The following PCDHGA3 variants were observed in gnomAD, a reference collection of about 807,000 sequenced individuals.
PCDHGA3 encodes the protein protocadherin gamma-A3.
A neutral mutation model predicts 58.5 loss-of-function variants in PCDHGA3; 40 were observed. That is an observed-to-expected ratio of 0.68 (90% CI 0.53 to 0.89). The LOEUF is 0.89. PCDHGA3 is among the 40% of genes least tolerant of loss of function. The pLI is 0.00. For synonymous variants in PCDHGA3, 530 were observed against 525.7 expected (o/e 1.01, Z -0.11); for missense variants, 1,223 against 1,195.9 (o/e 1.02, Z -0.33).
rs745698097 is a variant in PCDHGA3 at position 141,389,267 on chromosome 5, G to C, written c.2424+42810G>C. The C allele has an allele frequency of 3.0e-5, 48 of 1,613,890 alleles. No individual in the cohort carries two copies. The highest frequency in any genetic ancestry group is 4.0e-5 in the Non-Finnish European group (47 of 1,179,898). On this transcript the variant is annotated intron_variant, in intron 1 of 3. Coordinates refer to ENST00000253812, the MANE Select transcript of PCDHGA3 (RefSeq NM_018916.4). ...CTTCCTATATAGTCCACGTGGCCGA[G>C]AACAACCCGCCTGGAGCCTCTATTT...
chr5:141,374,534 C>T (rs868822562), intron 1 of PCDHGA3: 2 of 1,613,096 alleles, frequency 1.2e-6, no homozygotes, highest in Non-Finnish European at 1.7e-6. Flanking sequence ...TCCATCCTCT[C>T]GTTTTCCACT....
intron 1 of PCDHGA3, chr5:141,421,232 C>G (rs748347420): frequency 1.3e-6 from 2 of 1,590,370 alleles, no homozygotes; most frequent in Non-Finnish European, 1.7e-6. Context: ...CCTGCCATGG[C>G]GAATCGGCTA....
At chr5:141,399,147 C>T (rs2093760764) in intron 1 of PCDHGA3, 1 of 1,613,664 alleles carries the variant, frequency 6.2e-7, no homozygotes. Flanking sequence ...ATGACAATAG[C>T]CCAGAAGTTA....
chr5:141,350,365 T>C, intron 1 of PCDHGA3: 1 of 1,579,298 alleles, frequency 6.3e-7, no homozygotes, highest in Non-Finnish European at 8.6e-7. Context: ...GATACACGAT[T>C]CCAGAGGAGC....
chr5:141,356,126 A>T (rs751862164), intron 1 of PCDHGA3: 1 of 1,613,926 alleles, frequency 6.2e-7, no homozygotes. Context: ...GGTCTAGATT[A>T]TGAGGACTCT....
At chr5:141,374,518 C>G (rs766036470) in intron 1 of PCDHGA3, 9 of 1,612,422 alleles carry the variant, frequency 5.6e-6, no homozygotes, top group African/African-American at 1.3e-5. Flanking sequence ...TTCTCGAAAA[C>G]GCAGCTCCAT....
intron 1 of PCDHGA3, chr5:141,365,056 C>T: frequency 6.2e-7 from 1 of 1,613,906 alleles, no homozygotes; most frequent in Non-Finnish European, 8.5e-7. Flanking sequence ...CGCCCCTGTT[C>T]ACCCCATCCG....
At chr5:141,458,058 C>T (rs997664641) in intron 1 of PCDHGA3, among the ~76,000 whole-genome samples, 3 of 152,196 alleles carry the variant, frequency 2.0e-5, no homozygotes, top group Non-Finnish European at 4.4e-5. Context: ...TCTTGCTGCA[C>T]TGATGCGAAC....
chr5:141,398,862 C>A (rs771326288), intron 1 of PCDHGA3: 5 of 1,613,966 alleles, frequency 3.1e-6, no homozygotes, highest in Admixed American at 1.7e-5. Flanking sequence ...TCAACCGAGA[C>A]GTGTACAGAG....
intron 1 of PCDHGA3, chr5:141,410,849 CTTTTTTTTTTTTTT>C (rs759346998): frequency 7.7e-6 from 1 of 129,786 alleles, no homozygotes; most frequent in African/African-American, 6.0e-5. Context: ...TTGTCTTTGT[CTTTTTTTTTTTTTT>C]TTTTTTTTGA....
At chr5:141,351,495 C>G (rs750823337) in intron 1 of PCDHGA3, 6 of 1,613,980 alleles carry the variant, frequency 3.7e-6, no homozygotes, top group Non-Finnish European at 5.1e-6. Flanking sequence ...GAGCAGACAG[C>G]AGACTACAAC....
chr5:141,431,288 C>T lies in PCDHGA3; in HGVS notation c.2425-63519C>T, dbSNP rs2097358193. ...GAGCTACGAGCTCAGCCCGAACACT[C>T]ACTTCTCCCTCATCGTGCAAAATGG... On this transcript the variant is annotated intron_variant, in intron 1 of 3. Transcript: ENST00000253812. This position sits in a 1 kb window ranked among gnomAD's most constrained non-coding sequence, Gnocchi z 4.8. 1 of 1,614,152 alleles carries T rather than the reference C, an allele frequency of 6.2e-7. No individual in the cohort carries two copies. Among genetic ancestry groups the T allele is most frequent in the East Asian group, 2.2e-5 (1 of 44,890 alleles).
In PCDHGA3 at chr5:141,414,957, G is replaced by C. The variant is rs550492051; in HGVS notation, c.2424+68500G>C. 9.2e-5 allele frequency: 148 copies of C among 1,614,018 alleles called. No homozygotes were observed. Among genetic ancestry groups the C allele is most frequent in the Non-Finnish European group, 1.2e-4 (144 of 1,180,044 alleles). ...CAGAGCCCGGCTACCTGGTGACCAA[G>C]GTGGTGGCGGTGGACAGAGACTCCG... is the stretch of plus-strand genomic sequence containing the variant. On this transcript the variant is annotated intron_variant, in intron 1 of 3. Coordinates refer to ENST00000253812, the MANE Select transcript of PCDHGA3 (RefSeq NM_018916.4).
intron 2 of PCDHGA3, among the ~76,000 whole-genome samples, chr5:141,497,859 G>A (rs188372194): frequency 2.0e-4 from 31 of 152,134 alleles, no homozygotes; most frequent in Middle Eastern, 6.8e-3. Context: ...TTGATTCAGC[G>A]GCTCCAAAGT....
intron 1 of PCDHGA3, chr5:141,419,383 C>A (rs1354675466): frequency 6.2e-7 from 1 of 1,613,698 alleles, no homozygotes; most frequent in South Asian, 1.1e-5. Context: ...TGTCCGTGAG[C>A]GCGCAGAGCG....
At chr5:141,355,857 C>T in intron 1 of PCDHGA3, 2 of 1,612,456 alleles carry the variant, frequency 1.2e-6, no homozygotes, top group Non-Finnish European at 1.7e-6. Context: ...ATGGAGGTGA[C>T]CCGGTTCGCT....
At chr5:141,367,992 G>T (rs973749117) in intron 1 of PCDHGA3, among the ~76,000 whole-genome samples, 1 of 152,088 alleles carries the variant, frequency 6.6e-6, no homozygotes, top group Non-Finnish European at 1.5e-5. Context: ...TAATAGATTT[G>T]TCTTAATGAA....
At chr5:141,415,540 T>C (rs1202920204) in intron 1 of PCDHGA3, 9 of 1,614,184 alleles carry the variant, frequency 5.6e-6, no homozygotes, top group Non-Finnish European at 7.6e-6. Context: ...CCAGGAGAGC[T>C]GTGAGAAAAA....
intron 1 of PCDHGA3, chr5:141,361,755 C>A (rs771795005): frequency 1.9e-6 from 3 of 1,613,060 alleles, no homozygotes; most frequent in East Asian, 2.2e-5. Context: ...AGGGCTCGCC[C>A]GCGCTCAGCG....
Sources: allele counts gnomAD v4.1 joint callset (sites outside exome capture counted in the v4.1 genomes callset), GRCh38; gene constraint gnomAD v4.1.1; non-coding constraint Gnocchi (gnomAD v3.1); transcripts MANE v1.5; gene names NCBI Gene and HGNC (gene_info 2026-07-23, HGNC 2026-07-21).